PGCKA1: variants seen among roughly 807,000 people sequenced by gnomAD.
The protein encoded by PGCKA1 is PDCD10 and GCKIII kinases associated 1.
the PGCKA1 span, chr4:37,460,677 AGTT>A: frequency 2.4e-6 from 1 of 409,704 alleles, no homozygotes; most frequent in African/African-American, 2.1e-5. Context: ...TTTTTGATGG[AGTT>A]GTTTGGTCTT....
the PGCKA1 span, among the ~76,000 whole-genome samples, chr4:37,464,100 C>G: frequency 3.3e-5 from 5 of 152,194 alleles, no homozygotes; most frequent in Non-Finnish European, 7.3e-5. Flanking sequence ...GTACTCACCT[C>G]TGCAGGTGCT....
At chr4:37,520,473 G>A in the PGCKA1 span, among the ~76,000 whole-genome samples, 7 of 152,122 alleles carry the variant, frequency 4.6e-5, no homozygotes, top group South Asian at 4.1e-4. Context: ...TTTCTTCATG[G>A]TTCACTCTTG....
chr4:37,568,628 G>A, the PGCKA1 span, among the ~76,000 whole-genome samples: 33 of 152,328 alleles, frequency 2.2e-4, no homozygotes, highest in East Asian at 6.4e-3. Flanking sequence ...CCTGGGGTGA[G>A]TGTGGACGTA....
At chr4:37,536,821 A>G in the PGCKA1 span, among the ~76,000 whole-genome samples, 1 of 152,240 alleles carries the variant, frequency 6.6e-6, no homozygotes. Context: ...GCTCTCTACT[A>G]AAACTGATAG....
chr4:37,498,248 A>G, the PGCKA1 span, among the ~76,000 whole-genome samples: 3 of 152,082 alleles, frequency 2.0e-5, no homozygotes, highest in Admixed American at 1.3e-4. Context: ...TGGGATCTCT[A>G]TTCTGTTCCA....
the PGCKA1 span, among the ~76,000 whole-genome samples, chr4:37,480,820 G>A: frequency 6.6e-6 from 1 of 152,234 alleles, no homozygotes; most frequent in Non-Finnish European, 1.5e-5. Flanking sequence ...TGTTATTTGT[G>A]GTTTACGGTC....
the PGCKA1 span, among the ~76,000 whole-genome samples, chr4:37,547,455 C>T: frequency 2.0e-5 from 3 of 151,990 alleles, no homozygotes; most frequent in Non-Finnish European, 2.9e-5. Flanking sequence ...ATAAGCCCAC[C>T]CCACTAGGAA....
the PGCKA1 span, among the ~76,000 whole-genome samples, chr4:37,531,831 G>T: frequency 6.8e-6 from 1 of 146,860 alleles, no homozygotes; most frequent in Non-Finnish European, 1.5e-5. Flanking sequence ...GGCAGAGCTT[G>T]CAGTGAGCCA....
the PGCKA1 span, among the ~76,000 whole-genome samples, chr4:37,554,203 C>T: frequency 1.3e-5 from 2 of 152,176 alleles, no homozygotes; most frequent in Non-Finnish European, 2.9e-5. Flanking sequence ...GCTTCACCAT[C>T]CGCCATGATT....
chr4:37,556,859 A>AT, the PGCKA1 span, among the ~76,000 whole-genome samples: 1 of 152,250 alleles, frequency 6.6e-6, no homozygotes, highest in African/African-American at 2.4e-5. Context: ...GAATACTATG[A>AT]TAAAAAATAA....
chr4:37,562,327 AT>A, the PGCKA1 span, among the ~76,000 whole-genome samples: 1 of 152,330 alleles, frequency 6.6e-6, no homozygotes, highest in African/African-American at 2.4e-5. Flanking sequence ...AAGAAGGAAT[AT>A]GTACATTTGA....
the PGCKA1 span, among the ~76,000 whole-genome samples, chr4:37,531,747 C>T: frequency 6.6e-6 from 1 of 151,118 alleles, no homozygotes; most frequent in Non-Finnish European, 1.5e-5. Context: ...AAAAAATTAG[C>T]CGGGCGTGGT....
At chr4:37,576,756 C>T in the PGCKA1 span, among the ~76,000 whole-genome samples, 4 of 152,070 alleles carry the variant, frequency 2.6e-5, no homozygotes. Flanking sequence ...ATGTTCCCTA[C>T]TATACCCAGT....
chr4:37,538,035 TCAC>T, the PGCKA1 span, among the ~76,000 whole-genome samples: 1 of 151,216 alleles, frequency 6.6e-6, no homozygotes, highest in African/African-American at 2.5e-5. Flanking sequence ...GTCACCACCA[TCAC>T]CACCATCATC....
the PGCKA1 span, among the ~76,000 whole-genome samples, chr4:37,478,152 A>G: frequency 1.9e-4 from 15 of 78,992 alleles, 1 homozygote; most frequent in East Asian, 6.9e-4. Flanking sequence ...ACCCCCCCCC[A>G]CCGCCACTTA....
the PGCKA1 span, among the ~76,000 whole-genome samples, chr4:37,538,434 T>C: frequency 2.0e-5 from 3 of 152,226 alleles, no homozygotes; most frequent in East Asian, 5.8e-4. Context: ...ACAGAATGAC[T>C]GTCAGTCATC....
At chr4:37,521,991 A>G in the PGCKA1 span, among the ~76,000 whole-genome samples, 2 of 152,064 alleles carry the variant, frequency 1.3e-5, no homozygotes, top group Non-Finnish European at 2.9e-5. Flanking sequence ...TTTTGTTTGT[A>G]TGAGTATAGT....
At chr4:37,504,729 C>T in the PGCKA1 span, among the ~76,000 whole-genome samples, 3 of 151,928 alleles carry the variant, frequency 2.0e-5, no homozygotes, top group Non-Finnish European at 4.4e-5. Context: ...GATTGTTCAC[C>T]GTTGGCACAC....
the PGCKA1 span, chr4:37,590,504 T>G: frequency 6.2e-7 from 1 of 1,614,046 alleles, no homozygotes; most frequent in South Asian, 1.1e-5. Context: ...TGTGTGCTGC[T>G]GGCCTCAGAA....
Sources: gnomAD v4.1 joint callset for allele counts (sites outside exome capture counted in the v4.1 genomes callset) on GRCh38, gnomAD v4.1.1 for gene constraint, MANE v1.5 for transcripts, NCBI Gene and HGNC (gene_info 2026-07-23, HGNC 2026-07-21) for gene names.